The following ARL14EP variants were observed in gnomAD, a reference collection of about 807,000 sequenced individuals.
The protein encoded by ARL14EP is ARF like GTPase 14 effector protein, also known as ARL14 effector protein.
In ARL14EP, 12 loss-of-function variants were observed where a neutral mutation model predicts 23.1. The ratio of observed to expected loss-of-function variants is 0.52; its 90% CI spans 0.33 to 0.84. The LOEUF (loss-of-function observed/expected upper bound fraction) is 0.84, where lower values mean the gene tolerates loss of function less well. Among genes scored for constraint, ARL14EP ranks in the 40% least tolerant of loss-of-function variants. ARL14EP has a pLI of 0.02. For synonymous variants in ARL14EP, 97 were observed against 102.0 expected, an observed-to-expected ratio of 0.95 and a Z score of 0.29; for missense variants, 253 against 307.3, an observed-to-expected ratio of 0.82 and a Z score of 1.32.
chr11:30,327,317 G>A (rs902716319), intron 1 of ARL14EP, among the ~76,000 whole-genome samples: 121 of 152,006 alleles, frequency 8.0e-4, no homozygotes, highest in Non-Finnish European at 4.0e-4. Flanking sequence ...TAATGGAACA[G>A]AGACTCCCCA....
intron 3 of ARL14EP, among the ~76,000 whole-genome samples, chr11:30,335,847 G>T (rs1025748918): frequency 6.6e-6 from 1 of 151,616 alleles, no homozygotes; most frequent in Admixed American, 6.6e-5. Flanking sequence ...CAATACCTCC[G>T]AAATGTGCCT....
At chr11:30,324,533 T>C (rs796991354) in intron 1 of ARL14EP, among the ~76,000 whole-genome samples, 61 of 152,242 alleles carry the variant, frequency 4.0e-4, no homozygotes, top group African/African-American at 1.4e-3. Context: ...AGTGGCTGTT[T>C]TGCTGTTTTG....
In ARL14EP at chr11:30,337,102, C is replaced by T. The variant is rs1947339783; in HGVS notation, c.*307C>T. The stretch of plus-strand genomic sequence containing the variant: ...TAGATTTAGTTTAAATACCAGTTTC[C>T]TTACCAGGAAGGAAAGAAAACTGGT... On this transcript the variant is annotated 3_prime_UTR_variant, in exon 4 of 4. Transcript: ENST00000282032. 9.3e-6 allele frequency: 3 copies of T among 324,264 alleles called. No homozygotes were observed. The highest frequency in any genetic ancestry group is 1.7e-5 in the Non-Finnish European group (3 of 173,526). The allele number at this position is 324,264 out of a possible 1,614,324, so 20.1% of individuals were successfully genotyped here. A position where few individuals can be genotyped will look rare whatever the true frequency, so the allele number is the denominator to read the frequency against.
intron 3 of ARL14EP, 43 bp downstream of exon 3, chr11:30,333,036 C>T: frequency 6.2e-7 from 1 of 1,607,284 alleles, no homozygotes; most frequent in Non-Finnish European, 8.5e-7. Context: ...TGCTGCTTCA[C>T]ATCTGCATTG....
chr11:30,336,565 A>C lies in ARL14EP; in HGVS notation c.555-2A>C, dbSNP rs770104728. Reference sequence around the variant, plus strand: ...TATAATTCATTGTGTTTTATTTTACAGACAAGTGATACCAGCAAAGAGTAA... The same window carrying C: ...TATAATTCATTGTGTTTTATTTTACCGACAAGTGATACCAGCAAAGAGTAA... On this transcript the variant is annotated splice_acceptor_variant, in intron 3 of 3. Coordinates refer to ENST00000282032, the MANE Select transcript of ARL14EP (RefSeq NM_152316.3). LOFTEE classifies it high-confidence loss of function. 1.2e-6 allele frequency: 2 copies of C among 1,608,636 alleles called. No individual in the cohort carries two copies.
At chr11:30,331,568 T>C in intron 2 of ARL14EP, 194 bp downstream of exon 2, 1 of 1,428,372 alleles carries the variant, frequency 7.0e-7, no homozygotes, top group Non-Finnish European at 9.1e-7. Context: ...ATAAAGAAAG[T>C]AGGCCTGGGA....
rs536934512 is a variant in ARL14EP, at chr11:30,337,497, G to C, written c.*702G>C. 1.3e-5 allele frequency: 2 copies of C among 152,426 alleles called. No homozygotes were observed. Among genetic ancestry groups the C allele is most frequent in the African/African-American group, 4.8e-5 (2 of 41,584 alleles). The allele number at this position is 152,426 out of a possible 1,614,324, so 9.4% of individuals were successfully genotyped here. A position where few individuals can be genotyped will look rare whatever the true frequency, so the allele number is the denominator to read the frequency against. On this transcript the variant is annotated 3_prime_UTR_variant, in exon 4 of 4. Coordinates refer to ENST00000282032, the MANE Select transcript of ARL14EP (RefSeq NM_152316.3). Reference sequence around the variant, plus strand: ...ATTTTAATCAAACATAAATGAATTTGTAGAAGAAGTCACTGACCATGGGAA... The same window carrying C: ...ATTTTAATCAAACATAAATGAATTTCTAGAAGAAGTCACTGACCATGGGAA...
chr11:30,331,280 C>G lies in ARL14EP; in HGVS notation c.332C>G (p.Pro111Arg), dbSNP rs1947280557. The change falls in exon 2 of 4, where the codon CCT becomes CGT. Residue 111 changes from proline to arginine, a missense_variant. By Grantham distance (103) the Pro-to-Arg change is moderately radical (BLOSUM62 -2). Coordinates refer to ENST00000282032, the MANE Select transcript of ARL14EP (RefSeq NM_152316.3). ...GCTAAATTTGGAAGACAGCTTGTACCTGGTTGGAAGCTTTGTCCAAAATGC... is the reference window on the plus strand; with the variant it reads ...GCTAAATTTGGAAGACAGCTTGTACGTGGTTGGAAGCTTTGTCCAAAATGC... ...LSAKFGRQLV[P>R]GWKLCPKCTQ... 6.2e-7 allele frequency: 1 copy of G among 1,613,786 alleles called. No individual in the cohort carries two copies. The highest frequency in any genetic ancestry group is 1.3e-5 in the African/African-American group (1 of 74,884).
In ARL14EP at chr11:30,332,813, A is replaced by ATCTGTTG. The variant is rs1947295748; in HGVS notation, c.427-43_427-37dup. 3.1e-6 allele frequency: 5 copies of ATCTGTTG among 1,597,058 alleles called. No individual in the cohort carries two copies. The South Asian group carries it at 5.6e-5, about 18-fold the overall frequency. On this transcript the variant is annotated intron_variant, in intron 2 of 3. Transcript: ENST00000282032. ...TGGTTTAACATTAAATAAAATGTTA[A>ATCTGTTG]TCTGTTGTCTGTTGTCAAGATTTGA...
At chr11:30,335,001 G>T (rs1177398749) in intron 3 of ARL14EP, among the ~76,000 whole-genome samples, 1 of 152,220 alleles carries the variant, frequency 6.6e-6, no homozygotes, top group Non-Finnish European at 1.5e-5. Flanking sequence ...GGCCAGAGCT[G>T]CCATAGACAG....
chr11:30,323,394 G>T (rs1554953482), intron 1 of ARL14EP, among the ~76,000 whole-genome samples, 192 bp downstream of exon 1: 2 of 152,166 alleles, frequency 1.3e-5, no homozygotes, highest in Non-Finnish European at 2.9e-5. Flanking sequence ...CATCTGCGAC[G>T]CAACGCCTTG....
chr11:30,331,817 G>A, intron 2 of ARL14EP: 2 of 989,216 alleles, frequency 2.0e-6, no homozygotes, highest in Non-Finnish European at 2.4e-6. Flanking sequence ...TACAGTAATT[G>A]TTTTTTATTT....
chr11:30,332,581 C>T (rs1014561914), intron 2 of ARL14EP, among the ~76,000 whole-genome samples: 3 of 152,118 alleles, frequency 2.0e-5, no homozygotes, highest in African/African-American at 7.2e-5. Context: ...CCTGTGTTGG[C>T]AGCAGCCATT....
In ARL14EP at chr11:30,336,880, A is replaced by T. The variant is rs1947337449; in HGVS notation, c.*85A>T. 7.9e-7 allele frequency: 1 copy of T among 1,268,864 alleles called. No homozygotes were observed. Among genetic ancestry groups the T allele is most frequent in the African/African-American group, 1.5e-5 (1 of 67,502 alleles). The allele number at this position is 1,268,864 out of a possible 1,614,324, so 78.6% of individuals were successfully genotyped here. A position where few individuals can be genotyped will look rare whatever the true frequency, so the allele number is the denominator to read the frequency against. Reference sequence around the variant, plus strand: ...AAGATACATTTTAAGCTTGATTATCATATGACAAAGATTTTAAAACCATCT... The same window carrying T: ...AAGATACATTTTAAGCTTGATTATCTTATGACAAAGATTTTAAAACCATCT... On this transcript the variant is annotated 3_prime_UTR_variant, in exon 4 of 4. Transcript: ENST00000282032.
intron 3 of ARL14EP, among the ~76,000 whole-genome samples, chr11:30,335,595 CAAA>C (rs962401601): frequency 2.0e-5 from 3 of 152,014 alleles, no homozygotes; most frequent in Non-Finnish European, 4.4e-5. Flanking sequence ...CCTCCACCAG[CAAA>C]AAAACTACAA....
Position 30,337,167 on chromosome 11 carries a change from G to A in ARL14EP, c.*372G>A. On this transcript the variant is annotated 3_prime_UTR_variant, in exon 4 of 4. Coordinates refer to ENST00000282032, the MANE Select transcript of ARL14EP (RefSeq NM_152316.3). ...TGTTAAAATCTAGGTTAAAATTTTA[G>A]TTAGCACATTGTAACTGAGTAATTA... The A allele has an allele frequency of 3.7e-6, 1 of 273,298 alleles. No homozygotes were observed. The highest frequency in any genetic ancestry group is 7.1e-6 in the Non-Finnish European group (1 of 141,432). The allele number at this position is 273,298 out of a possible 1,614,324, so 16.9% of individuals were successfully genotyped here.
chr11:30,334,208 C>CTTTT lies in ARL14EP; in HGVS notation c.554+1237_554+1240dup, dbSNP rs36111177. Among the ~76,000 whole-genome samples, 297 of 85,984 alleles carry CTTTT rather than the reference C, an allele frequency of 3.5e-3. 3 individuals carry two copies. Among genetic ancestry groups the CTTTT allele is most frequent in the East Asian group, 8.8e-3 (12 of 1,362 alleles). The allele number at this position is 85,984 out of a possible 152,430, so 56.4% of individuals were successfully genotyped here. A position where few individuals can be genotyped will look rare whatever the true frequency, so the allele number is the denominator to read the frequency against. On this transcript the variant is annotated intron_variant, in intron 3 of 3. Transcript: ENST00000282032. The stretch of plus-strand genomic sequence containing the variant: ...CAGATTTTCAATGTAGACCAGCCTT[C>CTTTT]TTTTTTTTTTTTTTTTTTTTTTTTT...
chr11:30,325,392 AGG>A (rs750758660), intron 1 of ARL14EP, among the ~76,000 whole-genome samples: 32 of 152,154 alleles, frequency 2.1e-4, no homozygotes, highest in Non-Finnish European at 4.3e-4. Context: ...TAGGTAAACA[AGG>A]GGGGATCCTT....
At chr11:30,333,375 A>G (rs1001866702) in intron 3 of ARL14EP, among the ~76,000 whole-genome samples, 4 of 151,916 alleles carry the variant, frequency 2.6e-5, no homozygotes, top group Admixed American at 2.0e-4. Flanking sequence ...ATTTGTGGCA[A>G]CTCGGTGGTA....
Sources: gnomAD v4.1 joint callset for allele counts (sites outside exome capture counted in the v4.1 genomes callset) on GRCh38, gnomAD v4.1.1 for gene constraint, MANE v1.5 for transcripts, NCBI Gene and HGNC (gene_info 2026-07-23, HGNC 2026-07-21) for gene names.